Variants in CNTNAP2 observed in about 807,000 individuals in gnomAD.
CNTNAP2 encodes the protein contactin-associated protein-like 2.
CNTNAP2 carries 98 observed loss-of-function variants against 155.2 expected under a neutral mutation model. The observed-to-expected ratio is 0.63, with a 90% CI of 0.54 to 0.75. The LOEUF (loss-of-function observed/expected upper bound fraction) is 0.75, where lower values mean the gene tolerates loss of function less well. Ranked by LOEUF, CNTNAP2 falls within the 30% of genes least tolerant of loss-of-function variation. CNTNAP2 has a pLI of 0.00. For missense variants in CNTNAP2, 1,727 were observed against 1,688.1 expected (o/e 1.02, Z -0.40); for synonymous variants, 651 against 631.2 (o/e 1.03, Z -0.47).
intron 3 of CNTNAP2, among the ~76,000 whole-genome samples, chr7:147,033,175 T>TAC (rs1433448197): frequency 1.2e-4 from 6 of 48,128 alleles, no homozygotes; most frequent in African/African-American, 4.7e-4. Flanking sequence ...TATATATATA[T>TAC]ATATATATAT....
At chr7:147,715,833 C>G (rs1054015435) in intron 13 of CNTNAP2, among the ~76,000 whole-genome samples, 1 of 152,048 alleles carries the variant, frequency 6.6e-6, no homozygotes, top group Non-Finnish European at 1.5e-5. Flanking sequence ...TTGTAAGCTG[C>G]GCACTTACAT....
At chr7:147,684,236 G>A (rs1007138772) in intron 13 of CNTNAP2, among the ~76,000 whole-genome samples, 2 of 151,744 alleles carry the variant, frequency 1.3e-5, no homozygotes, top group Non-Finnish European at 2.9e-5. Context: ...GCCCTAATGT[G>A]CCCTTATCAG....
At chr7:146,415,073 A>G (rs1795919146) in intron 1 of CNTNAP2, among the ~76,000 whole-genome samples, 1 of 152,216 alleles carries the variant, frequency 6.6e-6, no homozygotes, top group African/African-American at 2.4e-5. Context: ...TTGTGTGCCT[A>G]GTGAAGCAAG....
intron 21 of CNTNAP2, among the ~76,000 whole-genome samples, chr7:148,355,332 G>A (rs1001339092): frequency 1.3e-5 from 2 of 151,102 alleles, no homozygotes; most frequent in Non-Finnish European, 3.0e-5. Flanking sequence ...TGCTCTTTGT[G>A]GACACTCATT....
intron 1 of CNTNAP2, among the ~76,000 whole-genome samples, chr7:146,658,203 C>T (rs1800026965): frequency 6.6e-6 from 1 of 152,008 alleles, no homozygotes; most frequent in Non-Finnish European, 1.5e-5. Flanking sequence ...ATTTTCTATT[C>T]AACATTCTTG....
Position 148,314,830 on chromosome 7 carries a change from G to A in CNTNAP2, c.3475+47704G>A, listed in dbSNP as rs370262216. Among the ~76,000 whole-genome samples the A allele has an allele frequency of 7.9e-5, 12 of 152,156 alleles. 1 individual carries two copies. In the South Asian group the frequency reaches 8.3e-4, roughly 11 times the overall value. On this transcript the variant is annotated intron_variant, in intron 21 of 23. Transcript: ENST00000361727. ...AATGTGGGTGAATAATCAGGCAGGC[G>A]TCCCCATGTGATTAAACACCAAGGG... is the stretch of plus-strand genomic sequence containing the variant.
At chr7:146,708,335 C>G (rs1031722255) in intron 1 of CNTNAP2, among the ~76,000 whole-genome samples, 2 of 151,956 alleles carry the variant, frequency 1.3e-5, no homozygotes, top group African/African-American at 2.4e-5. Context: ...TATAAATGAT[C>G]TCAACATAAT....
chr7:146,845,457 G>C (rs1004434651), intron 3 of CNTNAP2, among the ~76,000 whole-genome samples: 3 of 152,160 alleles, frequency 2.0e-5, no homozygotes, highest in African/African-American at 7.2e-5. Flanking sequence ...GGATATTTAA[G>C]TGAGATTATG....
intron 10 of CNTNAP2, among the ~76,000 whole-genome samples, chr7:147,469,208 A>G (rs1389847143): frequency 6.6e-6 from 1 of 152,208 alleles, no homozygotes. Context: ...TTAATGGAGC[A>G]CAAAACCCTC....
At chr7:147,212,870 A>C (rs1803187245) in intron 8 of CNTNAP2, among the ~76,000 whole-genome samples, 1 of 152,184 alleles carries the variant, frequency 6.6e-6, no homozygotes, top group African/African-American at 2.4e-5. Flanking sequence ...CTAAGAGTTA[A>C]CTTACACTAA....
chr7:147,492,067 CCAA>C (rs1382338247), intron 11 of CNTNAP2, among the ~76,000 whole-genome samples: 3 of 152,170 alleles, frequency 2.0e-5, no homozygotes, highest in Non-Finnish European at 2.9e-5. Flanking sequence ...TCAGCACTCT[CCAA>C]CGTTTTTGGC....
chr7:147,261,598 A>G (rs777170323), intron 8 of CNTNAP2, among the ~76,000 whole-genome samples: 25 of 152,068 alleles, frequency 1.6e-4, no homozygotes, highest in Non-Finnish European at 3.2e-4. Context: ...CACCTATTGC[A>G]AGTTTTTGAT....
intron 23 of CNTNAP2, among the ~76,000 whole-genome samples, chr7:148,410,844 G>A (rs1265350431): frequency 6.6e-6 from 1 of 152,088 alleles, no homozygotes; most frequent in Non-Finnish European, 1.5e-5. Flanking sequence ...CATACAGTAA[G>A]AAAGATAAAA....
In CNTNAP2 at chr7:146,571,876, C is replaced by T. The variant is rs192639509; in HGVS notation, c.98-202395C>T. On this transcript the variant is annotated intron_variant, in intron 1 of 23. Transcript: ENST00000361727. Reference sequence around the variant, plus strand: ...GTTCCCGAGTAGCTGGGATTACAGGCGCCCGCCACCACACCCAGCTAATTT... The same window carrying T: ...GTTCCCGAGTAGCTGGGATTACAGGTGCCCGCCACCACACCCAGCTAATTT... Among the ~76,000 whole-genome samples the T allele has an allele frequency of 8.8e-4, 133 of 151,962 alleles. 1 individual carries two copies. The highest frequency in any genetic ancestry group is 3.0e-3 in the African/African-American group (124 of 41,468).
chr7:147,646,465 C>T (rs1795365648), intron 13 of CNTNAP2, among the ~76,000 whole-genome samples: 1 of 152,130 alleles, frequency 6.6e-6, no homozygotes, highest in African/African-American at 2.4e-5. Flanking sequence ...ACATACTCTA[C>T]AACTAAAATA....
At chr7:148,293,838 A>G (rs1226736176) in intron 21 of CNTNAP2, among the ~76,000 whole-genome samples, 1 of 151,938 alleles carries the variant, frequency 6.6e-6, no homozygotes, top group Non-Finnish European at 1.5e-5. Flanking sequence ...AGTTCAAGAC[A>G]AGCCTAGCCA....
At chr7:146,248,172 G>T (rs1350134643) in intron 1 of CNTNAP2, among the ~76,000 whole-genome samples, 2 of 152,006 alleles carry the variant, frequency 1.3e-5, no homozygotes, top group East Asian at 3.9e-4. Flanking sequence ...AGAGGTCCGG[G>T]TGCGGAAATA....
intron 2 of CNTNAP2, among the ~76,000 whole-genome samples, chr7:146,820,422 A>G (rs996887661): frequency 6.6e-6 from 1 of 152,218 alleles, no homozygotes; most frequent in Non-Finnish European, 1.5e-5. Context: ...TAGACAAAAC[A>G]TACAGACTTT....
chr7:148,346,453 T>A (rs1028851153), intron 21 of CNTNAP2, among the ~76,000 whole-genome samples: 1 of 152,212 alleles, frequency 6.6e-6, no homozygotes, highest in African/African-American at 2.4e-5. Flanking sequence ...GTTGGTGCAG[T>A]AATGATTGCG....
Sources: gnomAD v4.1 joint callset for allele counts (sites outside exome capture counted in the v4.1 genomes callset) on GRCh38, gnomAD v4.1.1 for gene constraint, MANE v1.5 for transcripts, NCBI Gene and HGNC (gene_info 2026-07-23, HGNC 2026-07-21) for gene names.